The following BAZ2B variants were observed in gnomAD, a reference collection of about 807,000 sequenced individuals.
The protein encoded by BAZ2B is bromodomain adjacent to zinc finger domain protein 2B.
A neutral mutation model predicts 246.0 loss-of-function variants in BAZ2B; 91 were observed. The observed-to-expected ratio is 0.37, with a 90% confidence interval of 0.31 to 0.44. The LOEUF is 0.44. Among genes scored for constraint, BAZ2B ranks in the 20% least tolerant of loss-of-function variants. The pLI is 1.00. For missense variants in BAZ2B, 2,332 were observed against 2,533.7 expected, an observed-to-expected ratio of 0.92 and a Z score of 1.71; for synonymous variants, 855 against 860.0, an observed-to-expected ratio of 0.99 and a Z score of 0.10.
At chr2:159,346,780 A>AC (rs2067916956) in intron 31 of BAZ2B, among the ~76,000 whole-genome samples, 1 of 152,068 alleles carries the variant, frequency 6.6e-6, no homozygotes, top group African/African-American at 2.4e-5. Flanking sequence ...AGACCTTTAT[A>AC]CCCCTCTTTA....
At chr2:159,323,025 CTG>C (rs1464833449) in intron 36 of BAZ2B, among the ~76,000 whole-genome samples, 2 of 147,346 alleles carry the variant, frequency 1.4e-5, no homozygotes, top group African/African-American at 5.0e-5. Flanking sequence ...CAATCTCACT[CTG>C]TTGCCCAGGC....
chr2:159,347,678 C>A, intron 30 of BAZ2B, 32 bp from the exon 31 acceptor site: 2 of 1,533,202 alleles, frequency 1.3e-6, no homozygotes, highest in South Asian at 1.2e-5. Context: ...TTTAAAAATC[C>A]ACTTATTAAG....
At chr2:159,686,475 G>A in the BAZ2B span, among the ~76,000 whole-genome samples, 1 of 152,124 alleles carries the variant, frequency 6.6e-6, no homozygotes, top group Non-Finnish European at 1.5e-5. Flanking sequence ...GCCTACAAAT[G>A]TCTCACCAAT....
chr2:159,361,686 C>G (rs879798030), intron 27 of BAZ2B, among the ~76,000 whole-genome samples: 2 of 152,118 alleles, frequency 1.3e-5, no homozygotes, highest in Non-Finnish European at 2.9e-5. Context: ...TTCACAATAG[C>G]AAAGACTTGG....
chr2:159,347,400 C>T (rs1195617423), intron 31 of BAZ2B, 86 bp downstream of exon 31: 6 of 1,372,982 alleles, frequency 4.4e-6, no homozygotes, highest in Non-Finnish European at 6.2e-6. Context: ...ACATTTAGCA[C>T]ATTAACTAGC....
chr2:159,328,738 G>C (rs1450267943), intron 34 of BAZ2B, among the ~76,000 whole-genome samples: 4 of 152,174 alleles, frequency 2.6e-5, no homozygotes, highest in Admixed American at 2.6e-4. Context: ...GTTTGTGTGT[G>C]TATGTGTGTG....
At chr2:159,534,599 G>C (rs2085729300) in intron 2 of BAZ2B, among the ~76,000 whole-genome samples, 1 of 151,336 alleles carries the variant, frequency 6.6e-6, no homozygotes, top group Non-Finnish European at 1.5e-5. Flanking sequence ...ATTGTATTCT[G>C]AAATAATTTG....
At chr2:159,680,765 G>C in the BAZ2B span, among the ~76,000 whole-genome samples, 1 of 152,150 alleles carries the variant, frequency 6.6e-6, no homozygotes, top group Non-Finnish European at 1.5e-5. Flanking sequence ...CTTTGCAGTA[G>C]GGGCTGTTAC....
chr2:159,408,874 G>A (rs950310210), intron 14 of BAZ2B, among the ~76,000 whole-genome samples: 12 of 152,006 alleles, frequency 7.9e-5, no homozygotes, highest in African/African-American at 1.9e-4. Context: ...AGCTGAGATC[G>A]CGCCATTGCA....
chr2:159,597,428 A>G (rs761781524), intron 1 of BAZ2B, among the ~76,000 whole-genome samples: 1 of 152,240 alleles, frequency 6.6e-6, no homozygotes, highest in Non-Finnish European at 1.5e-5. Flanking sequence ...TCCTAACAGA[A>G]TAACTTTCTG....
At chr2:159,620,668 C>T (rs1696396442), upstream of BAZ2B, among the ~76,000 whole-genome samples, 1 of 151,966 alleles carries the variant, frequency 6.6e-6, no homozygotes, top group Admixed American at 6.6e-5. Flanking sequence ...TGTAAATATG[C>T]AGAGATACTA....
chr2:159,317,476 T>G (rs1292882873), downstream of BAZ2B, among the ~76,000 whole-genome samples: 2 of 152,216 alleles, frequency 1.3e-5, no homozygotes, highest in African/African-American at 4.8e-5. Context: ...TGTTTAATTT[T>G]CACTGTGGTT....
At chr2:159,685,558 G>A in the BAZ2B span, among the ~76,000 whole-genome samples, 2 of 151,804 alleles carry the variant, frequency 1.3e-5, no homozygotes, top group African/African-American at 4.8e-5. Context: ...TAGAAGAAAA[G>A]GCAAAAGCAT....
Position 159,398,914 on chromosome 2 carries a change from C to A in BAZ2B, c.2899-20G>T. 1 of 1,604,182 alleles carries A rather than the reference C, an allele frequency of 6.2e-7. No individual in the cohort carries two copies. Among genetic ancestry groups the A allele is most frequent in the Non-Finnish European group, 8.5e-7 (1 of 1,178,000 alleles). ...TTTAGCCTGTGCATGCAAAACAGGT[C>A]TCAAAGTCATGCAACAGCACCACTA... On this transcript the variant is annotated intron_variant, in intron 17 of 36. Transcript: ENST00000392783.
intron 31 of BAZ2B, among the ~76,000 whole-genome samples, chr2:159,345,446 C>T (rs2067623850): frequency 6.6e-6 from 1 of 152,110 alleles, no homozygotes; most frequent in Non-Finnish European, 1.5e-5. Context: ...CTCCATGATA[C>T]TGTACATTAT....
At chr2:159,523,514 G>A (rs550507312) in intron 2 of BAZ2B, among the ~76,000 whole-genome samples, 10 of 152,166 alleles carry the variant, frequency 6.6e-5, no homozygotes, top group South Asian at 2.1e-4. Flanking sequence ...GACCAGCCTG[G>A]CCAACATAGT....
chr2:159,654,000 A>C, the BAZ2B span, among the ~76,000 whole-genome samples: 1 of 152,180 alleles, frequency 6.6e-6, no homozygotes, highest in African/African-American at 2.4e-5. Context: ...GTTAACCCCC[A>C]AAAAAGAGTA....
At chr2:159,333,891 G>T (rs536688175) in intron 33 of BAZ2B, among the ~76,000 whole-genome samples, 4 of 151,948 alleles carry the variant, frequency 2.6e-5, no homozygotes, top group Non-Finnish European at 5.9e-5. Context: ...ACATTGGCGC[G>T]GTTACCAAGG....
Position 159,349,977 on chromosome 2 carries a change from C to T in BAZ2B, c.4594G>A (p.Gly1532Ser), listed in dbSNP as rs2058381126. The change falls in exon 28 of 37, where the codon GGT (glycine) becomes AGT (serine). Residue 1532 changes from glycine (G) to serine (S), a missense_variant. Transcript: ENST00000392783. ...KADSNNLFNT[G>S]SSGPGKFYSP... is the part of the protein sequence containing the mutation. ...TAGAACTTCCCTGGACCACTTGAAC[C>T]AGTATTAAACAGATTATTAGAGTCT... The T allele has an allele frequency of 1.2e-6, 2 of 1,614,018 alleles. No individual in the cohort carries two copies. Among genetic ancestry groups the T allele is most frequent in the Admixed American group, 1.7e-5 (1 of 59,984 alleles).
Sources: gnomAD v4.1 joint callset for allele counts (sites outside exome capture counted in the v4.1 genomes callset) on GRCh38, gnomAD v4.1.1 for gene constraint, MANE v1.5 for transcripts, NCBI Gene and HGNC (gene_info 2026-07-23, HGNC 2026-07-21) for gene names.